The following ASTN2 variants were observed in gnomAD, a reference collection of about 807,000 sequenced individuals.
ASTN2 encodes the protein astrotactin 2, also known as astrotactin-2.
Under a neutral mutation model 139.8 loss-of-function variants are expected in ASTN2, and 54 were observed. That is an observed-to-expected ratio of 0.39 (90% CI 0.31 to 0.48). ASTN2 has a LOEUF of 0.48. Among genes scored for constraint, ASTN2 ranks in the 20% least tolerant of loss-of-function variants. The pLI, the probability that ASTN2 is intolerant of heterozygous loss-of-function variation, is 0.95. For missense variants in ASTN2, 1,565 were observed against 1,725.1 expected (o/e 0.91, Z 1.64); for synonymous variants, 756 against 719.5 (o/e 1.05, Z -0.81).
rs1853929641 is a variant in ASTN2, at chr9:116,581,053, A to G, written c.3355+37271T>C. Reference sequence around the variant, plus strand: ...TTTCCCTGGGGATGGGGGTGGGGAGAAAGTTTGGCAGAAATGAGCCTTAGT... The same window carrying G: ...TTTCCCTGGGGATGGGGGTGGGGAGGAAGTTTGGCAGAAATGAGCCTTAGT... On this transcript the variant is annotated intron_variant, in intron 19 of 22. Transcript: ENST00000313400. Among the ~76,000 whole-genome samples the G allele has an allele frequency of 2.6e-5, 4 of 152,050 alleles. No homozygotes were observed. The South Asian group carries it at 8.3e-4, about 32-fold the overall frequency.
At chr9:116,855,266 G>T (rs1221821329) in intron 11 of ASTN2, among the ~76,000 whole-genome samples, 1 of 151,966 alleles carries the variant, frequency 6.6e-6, no homozygotes, top group South Asian at 2.1e-4. Context: ...CACCCAGCCT[G>T]CTCCAAATTC....
chr9:116,820,428 C>A (rs1219682445), intron 12 of ASTN2, among the ~76,000 whole-genome samples, 189 bp downstream of exon 12: 1 of 151,952 alleles, frequency 6.6e-6, no homozygotes, highest in African/African-American at 2.4e-5. Context: ...TCATTTTTTT[C>A]TTTTTTAACC....
chr9:116,427,820 C>T (rs12340799), intron 22 of ASTN2, among the ~76,000 whole-genome samples: 280 of 152,358 alleles, frequency 1.8e-3, no homozygotes, highest in African/African-American at 6.2e-3. Context: ...GTCCTCTTTC[C>T]CCTCGGGCAA....
chr9:117,240,039 AATAAAGCCATC>A lies in ASTN2; in HGVS notation c.631-25308_631-25298del, dbSNP rs1317464754. 2.0e-5 allele frequency among the ~76,000 whole-genome samples: 3 copies of A among 152,372 alleles called. No homozygotes were observed. The East Asian group carries it at 5.8e-4, about 29-fold the overall frequency. On this transcript the variant is annotated intron_variant, in intron 2 of 22. Coordinates refer to ENST00000313400, the MANE Select transcript of ASTN2 (RefSeq NM_001365068.1). The stretch of plus-strand genomic sequence containing the variant: ...AAATTGAAAATGCATTCATTACCCC[AATAAAGCCATC>A]ATAAAGTTGAAAATTTAGAAGTCAA...
intron 1 of ASTN2, among the ~76,000 whole-genome samples, chr9:117,373,417 A>G (rs1457206386): frequency 1.3e-5 from 2 of 152,148 alleles, no homozygotes; most frequent in Non-Finnish European, 2.9e-5. Flanking sequence ...CTTCCCTGGT[A>G]CCACCCAGGG....
At chr9:116,747,407 T>A (rs1192047989) in intron 13 of ASTN2, among the ~76,000 whole-genome samples, 1 of 152,206 alleles carries the variant, frequency 6.6e-6, no homozygotes, top group Non-Finnish European at 1.5e-5. Context: ...CCGATGCTGG[T>A]TGAATGTCTT....
At chr9:116,943,655 T>C (rs1835299240) in intron 10 of ASTN2, among the ~76,000 whole-genome samples, 2 of 152,160 alleles carry the variant, frequency 1.3e-5, no homozygotes, top group African/African-American at 4.8e-5. Context: ...GCTTCCCTAA[T>C]TTCCCCAACA....
chr9:116,968,473 C>T (rs1035665131), intron 10 of ASTN2, among the ~76,000 whole-genome samples: 15 of 152,034 alleles, frequency 9.9e-5, no homozygotes, highest in African/African-American at 3.4e-4. Context: ...CTCTGCTAGC[C>T]CAGGTGGTTA....
chr9:117,059,747 A>ACT (rs1839183112), intron 5 of ASTN2, among the ~76,000 whole-genome samples: 1 of 152,016 alleles, frequency 6.6e-6, no homozygotes, highest in Non-Finnish European at 1.5e-5. Context: ...CCCATTCTTC[A>ACT]CTCCAGTTTT....
chr9:116,682,432 T>C (rs1293795244), intron 16 of ASTN2, among the ~76,000 whole-genome samples: 1 of 152,252 alleles, frequency 6.6e-6, no homozygotes, highest in Non-Finnish European at 1.5e-5. Flanking sequence ...TTGGTGGGAC[T>C]GTAAACTGGT....
At position 116,805,727 on chromosome 9, in the gene ASTN2, G is replaced by A. The variant is rs1486054737; in HGVS notation, c.2301C>T (p.Ser767=). The change falls in exon 13 of 23, where the codon TCC becomes TCT. Residue 767 remains serine (S), a synonymous_variant. Transcript: ENST00000313400. ...CTCCAAAGAGGGTATCATTGAATTT[G>A]GAGTCAGGTTTGAGGCACTTGGGGC... The part of the protein sequence containing the change: ...CEGPKCLKPD[S]KFNDTLFGEM... 1 of 1,613,858 alleles carries A rather than the reference G, an allele frequency of 6.2e-7. No individual in the cohort carries two copies. Among genetic ancestry groups the A allele is most frequent in the East Asian group, 2.2e-5 (1 of 44,898 alleles).
intron 5 of ASTN2, among the ~76,000 whole-genome samples, chr9:117,082,236 A>ACACTTAC (rs995201434): frequency 6.6e-6 from 1 of 152,122 alleles, no homozygotes; most frequent in African/African-American, 2.4e-5. Context: ...TCTCTCCTGA[A>ACACTTAC]CACTTACCCT....
intron 13 of ASTN2, among the ~76,000 whole-genome samples, chr9:116,772,301 G>A (rs895240897): frequency 6.6e-6 from 1 of 152,128 alleles, no homozygotes; most frequent in Non-Finnish European, 1.5e-5. Context: ...TTGTGATAGT[G>A]AGTAAGTCTC....
chr9:116,499,830 A>G (rs1849795732), intron 19 of ASTN2, among the ~76,000 whole-genome samples: 1 of 152,126 alleles, frequency 6.6e-6, no homozygotes, highest in East Asian at 1.9e-4. Flanking sequence ...GTAGAGATTC[A>G]GGGGACTGGT....
intron 5 of ASTN2, among the ~76,000 whole-genome samples, chr9:117,054,201 G>T (rs1029188840): frequency 6.6e-6 from 1 of 152,206 alleles, no homozygotes; most frequent in African/African-American, 2.4e-5. Flanking sequence ...TTAGCCCAAG[G>T]GCCATTCTAG....
At chr9:116,510,166 C>G (rs1440656603) in intron 19 of ASTN2, among the ~76,000 whole-genome samples, 2 of 152,164 alleles carry the variant, frequency 1.3e-5, no homozygotes, top group Non-Finnish European at 2.9e-5. Flanking sequence ...TTTAATCCAT[C>G]TTGAATTAAT....
chr9:117,026,276 G>A (rs1838078355), intron 6 of ASTN2, among the ~76,000 whole-genome samples: 1 of 152,132 alleles, frequency 6.6e-6, no homozygotes, highest in Non-Finnish European at 1.5e-5. Context: ...CACAATAACA[G>A]TCTAATTTCT....
intron 2 of ASTN2, among the ~76,000 whole-genome samples, chr9:117,248,858 GTT>G (rs1479235393): frequency 6.6e-6 from 1 of 152,194 alleles, no homozygotes; most frequent in East Asian, 1.9e-4. Context: ...AACACCCAGT[GTT>G]GTGTTTCTCA....
At chr9:116,678,762 T>C (rs1345644849) in intron 16 of ASTN2, among the ~76,000 whole-genome samples, 3 of 152,188 alleles carry the variant, frequency 2.0e-5, no homozygotes, top group Non-Finnish European at 2.9e-5. Context: ...TCTGGGACCA[T>C]GTGTCTGAAT....
Sources: allele counts gnomAD v4.1 joint callset (sites outside exome capture counted in the v4.1 genomes callset), GRCh38; gene constraint gnomAD v4.1.1; transcripts MANE v1.5; gene names NCBI Gene and HGNC (gene_info 2026-07-23, HGNC 2026-07-21).